The following UNC5B variants were observed in gnomAD, a reference collection of about 807,000 sequenced individuals.
UNC5B encodes the protein netrin receptor UNC5B.
In UNC5B, 56 loss-of-function variants were observed where a neutral mutation model predicts 103.7. The ratio of observed to expected loss-of-function variants is 0.54; its 90% CI spans 0.44 to 0.67. UNC5B has a LOEUF of 0.67. UNC5B is among the 30% of genes least tolerant of loss of function. The pLI is 0.00. For synonymous variants in UNC5B, 577 were observed against 542.0 expected (o/e 1.06, Z -0.90); for missense variants, 1,194 against 1,284.5 (o/e 0.93, Z 1.08).
chr10:71,262,115 TC>T (rs1207249314), intron 1 of UNC5B, among the ~76,000 whole-genome samples: 1 of 151,982 alleles, frequency 6.6e-6, no homozygotes, highest in Non-Finnish European at 1.5e-5. Context: ...CTCCATAAAC[TC>T]CTGGTCCCTT....
intron 1 of UNC5B, among the ~76,000 whole-genome samples, chr10:71,255,148 C>T (rs113423121): frequency 2.8e-4 from 43 of 152,288 alleles, no homozygotes; most frequent in African/African-American, 1.0e-3. Flanking sequence ...CCGAGAAGAA[C>T]CCACAGTGGG....
At chr10:71,219,099 TCC>T (rs1843398710) in intron 1 of UNC5B, among the ~76,000 whole-genome samples, 1 of 152,034 alleles carries the variant, frequency 6.6e-6, no homozygotes, top group Admixed American at 6.5e-5. Flanking sequence ...AAAATCACAG[TCC>T]CTCGCCCCAC....
At position 71,293,786 on chromosome 10, in the gene UNC5B, G is replaced by C. The variant is rs755399346; in HGVS notation, c.2028G>C (p.Gln676His). The change falls in exon 13 of 17, where the codon CAG becomes CAC. Residue 676 changes from glutamine to histidine, a missense_variant. By Grantham distance (24) the Gln-to-His change is conservative. Transcript: ENST00000335350. Reference sequence around the variant, plus strand: ...GGGCCTGTCACATCCTGCTGGACCAGCTGGGCACCTACGTGTTCACGGGCG... The same window carrying C: ...GGGCCTGTCACATCCTGCTGGACCACCTGGGCACCTACGTGTTCACGGGCG... ...EPRACHILLD[Q>H]LGTYVFTGES... 9.3e-6 allele frequency: 15 copies of C among 1,604,810 alleles called. No individual in the cohort carries two copies. The Admixed American group carries it at 2.2e-4, about 24-fold the overall frequency.
chr10:71,288,035 A>G (rs1174837203), intron 6 of UNC5B, among the ~76,000 whole-genome samples: 1 of 152,086 alleles, frequency 6.6e-6, no homozygotes, highest in Admixed American at 6.6e-5. Context: ...CTCCAAGCTG[A>G]GGGTTCTCAG....
At chr10:71,249,093 A>G (rs975734436) in intron 1 of UNC5B, among the ~76,000 whole-genome samples, 3 of 152,162 alleles carry the variant, frequency 2.0e-5, no homozygotes, top group African/African-American at 7.2e-5. Flanking sequence ...TCTGTGTCCA[A>G]GCTTTCAGTC....
At chr10:71,295,787 C>T in intron 13 of UNC5B, 24 bp from the exon 14 acceptor site, 1 of 1,607,304 alleles carries the variant, frequency 6.2e-7, no homozygotes. Context: ...ATGGGTTCCC[C>T]TTCCCCATGC....
At position 71,292,473 on chromosome 10, in the gene UNC5B, G is replaced by A; in HGVS notation, c.1691G>A (p.Ser564Asn). 6.3e-7 allele frequency: 1 copy of A among 1,594,990 alleles called. No individual in the cohort carries two copies. Residue 564 changes from serine to asparagine, a missense_variant, in exon 11 of 17, where the codon AGC (serine) becomes AAC (asparagine). Physicochemically the swap from Ser to Asn is conservative, Grantham distance 46 (BLOSUM62 1). Coordinates refer to ENST00000335350, the MANE Select transcript of UNC5B (RefSeq NM_170744.5). The stretch of plus-strand genomic sequence containing the variant: ...GACTTCCCTCTCCCCCTAGGGGTCA[G>A]CTTGCTGGTGCCCAATGGAGCCATT... ...GRLSIPGTGV[S>N]LLVPNGAIPQ...
Position 71,212,684 on chromosome 10 carries a change from G to A in UNC5B, c.-302G>A, listed in dbSNP as rs540883866. The A allele has an allele frequency of 3.7e-6, 1 of 268,204 alleles. No individual in the cohort carries two copies. Among genetic ancestry groups the A allele is most frequent in the African/African-American group, 2.2e-5 (1 of 44,692 alleles). The allele number at this position is 268,204 out of a possible 1,614,324, so 16.6% of individuals were successfully genotyped here. On this transcript the variant is annotated 5_prime_UTR_variant, in exon 1 of 17. Transcript: ENST00000335350. ...CGGCGCCGCCGCTGCGAGCGCCACTGAGCGGTCGCGCAACTTCGGAGGCAC... is the reference window on the plus strand; with the variant it reads ...CGGCGCCGCCGCTGCGAGCGCCACTAAGCGGTCGCGCAACTTCGGAGGCAC...
chr10:71,233,576 C>T (rs1047874521), intron 1 of UNC5B, among the ~76,000 whole-genome samples: 1 of 152,202 alleles, frequency 6.6e-6, no homozygotes, highest in African/African-American at 2.4e-5. Context: ...GAGGTGGCCA[C>T]CGTCCCAGCC....
intron 1 of UNC5B, among the ~76,000 whole-genome samples, chr10:71,240,222 C>T (rs1277937845): frequency 7.2e-5 from 11 of 152,248 alleles, no homozygotes; most frequent in Admixed American, 7.2e-4. Context: ...TGCCATGCGG[C>T]CTGCTGCATT....
chr10:71,242,585 G>A (rs1843930242), intron 1 of UNC5B, among the ~76,000 whole-genome samples: 1 of 152,192 alleles, frequency 6.6e-6, no homozygotes, highest in Non-Finnish European at 1.5e-5. Flanking sequence ...TTTGTAGCTG[G>A]AATGTGGTCA....
rs144371231 is a variant in UNC5B, at chr10:71,213,728, A to AGAGAGTGTGTGTGTGTGTGTGT, written c.79+665_79+666insAGAGTGTGTGTGTGTGTGTGTG. On this transcript the variant is annotated intron_variant, in intron 1 of 16. Coordinates refer to ENST00000335350, the MANE Select transcript of UNC5B (RefSeq NM_170744.5). This position sits in a 1 kb window ranked among gnomAD's most constrained non-coding sequence, Gnocchi z 4.1. ...ATTATTAATTTTCTGAGTGTTGGAG[A>AGAGAGTGTGTGTGTGTGTGTGT]GTGTGTGTGTGTGTGTGTGTGTGTG... Among the ~76,000 whole-genome samples the AGAGAGTGTGTGTGTGTGTGTGT allele has an allele frequency of 1.2e-4, 16 of 131,474 alleles. No homozygotes were observed. The highest frequency in any genetic ancestry group is 3.8e-4 in the African/African-American group (13 of 34,208). The allele number at this position is 131,474 out of a possible 152,430, so 86.3% of individuals were successfully genotyped here.
At chr10:71,225,373 G>C (rs532526984) in intron 1 of UNC5B, among the ~76,000 whole-genome samples, 1 of 152,200 alleles carries the variant, frequency 6.6e-6, no homozygotes, top group Non-Finnish European at 1.5e-5. Context: ...GAGGGCCCAC[G>C]TGCCCATTTC....
intron 1 of UNC5B, among the ~76,000 whole-genome samples, chr10:71,262,546 C>T (rs7072372): frequency 2.6e-5 from 4 of 152,138 alleles, no homozygotes; most frequent in East Asian, 1.9e-4. Context: ...CATTCATGCA[C>T]GAAGGATTTA....
intron 2 of UNC5B, among the ~76,000 whole-genome samples, chr10:71,284,038 C>T (rs1226198292): frequency 1.3e-5 from 2 of 152,208 alleles, no homozygotes; most frequent in Non-Finnish European, 2.9e-5. Flanking sequence ...CATAAATAAT[C>T]TGAGTCCAGC....
At chr10:71,229,546 G>A (rs976828058) in intron 1 of UNC5B, among the ~76,000 whole-genome samples, 12 of 152,202 alleles carry the variant, frequency 7.9e-5, no homozygotes, top group African/African-American at 1.9e-4. Flanking sequence ...CGCTGGAAGC[G>A]TGGATCAAGC....
At chr10:71,256,741 G>A (rs1361281447) in intron 1 of UNC5B, among the ~76,000 whole-genome samples, 2 of 152,258 alleles carry the variant, frequency 1.3e-5, no homozygotes, top group African/African-American at 4.8e-5. Flanking sequence ...CATTTGGTGT[G>A]TGGGTTTTGA....
intron 1 of UNC5B, among the ~76,000 whole-genome samples, chr10:71,246,392 G>T (rs751467636): frequency 3.3e-5 from 5 of 152,096 alleles, no homozygotes; most frequent in African/African-American, 1.2e-4. Flanking sequence ...ACAGTGGGGT[G>T]GGGGGCCAGG....
intron 1 of UNC5B, among the ~76,000 whole-genome samples, chr10:71,267,467 TG>T (rs968818232): frequency 1.3e-5 from 2 of 152,074 alleles, no homozygotes; most frequent in Admixed American, 1.3e-4. Context: ...GCACTGATGG[TG>T]GGTGGGCAGG....
Sources: gnomAD v4.1 joint callset for allele counts (sites outside exome capture counted in the v4.1 genomes callset) on GRCh38, gnomAD v4.1.1 for gene constraint, Gnocchi (gnomAD v3.1) non-coding constraint, MANE v1.5 for transcripts, NCBI Gene and HGNC (gene_info 2026-07-23, HGNC 2026-07-21) for gene names.